Variants in NCKAP5 observed in about 807,000 individuals in gnomAD.
NCKAP5 encodes the protein nck-associated protein 5.
NCKAP5 carries 92 observed loss-of-function variants against 167.0 expected under a neutral mutation model. The observed-to-expected ratio is 0.55, with a 90% CI of 0.47 to 0.66. The LOEUF (loss-of-function observed/expected upper bound fraction) is 0.66, where lower values mean the gene tolerates loss of function less well. NCKAP5 is among the 30% of genes least tolerant of loss of function. NCKAP5 has a pLI of 0.00. For synonymous variants in NCKAP5, 891 were observed against 877.4 expected (o/e 1.02, Z -0.27); for missense variants, 2,378 against 2,315.0 (o/e 1.03, Z -0.56).
rs1684454192 is a variant in NCKAP5 at position 133,352,729 on chromosome 2, CAG to C, written c.70-49621_70-49620del. Among the ~76,000 whole-genome samples, 9 of 152,316 alleles carry C rather than the reference CAG, an allele frequency of 5.9e-5. No homozygotes were observed. The South Asian group carries it at 1.9e-3, about 32-fold the overall frequency. On this transcript the variant is annotated intron_variant, in intron 3 of 19. Transcript: ENST00000409261. Reference sequence around the variant, plus strand: ...GCTCTGCCCAGGTGGGCCTGCCAGACAGAGATTTATGTGGACTGCCAAAACTC... The same window carrying C: ...GCTCTGCCCAGGTGGGCCTGCCAGACAGATTTATGTGGACTGCCAAAACTC...
the NCKAP5 span, among the ~76,000 whole-genome samples, chr2:133,577,827 C>T: frequency 3.0e-3 from 459 of 152,290 alleles, 5 homozygotes; most frequent in African/African-American, 0.01. Context: ...TGCTCCCTGT[C>T]CTCTTAACCA....
chr2:132,836,700 C>A lies in NCKAP5; in HGVS notation c.807+23792G>T, dbSNP rs368159787. On this transcript the variant is annotated intron_variant, in intron 11 of 19. Coordinates refer to ENST00000409261, the MANE Select transcript of NCKAP5 (RefSeq NM_207363.3). ...TCTTTTATTCTTCACTCCCCTACTACTCTTCCCCCCAAGTCCCCAAAGTCC... is the reference window on the plus strand; with the variant it reads ...TCTTTTATTCTTCACTCCCCTACTAATCTTCCCCCCAAGTCCCCAAAGTCC... Among the ~76,000 whole-genome samples the A allele has an allele frequency of 2.8e-4, 42 of 152,248 alleles. No individual in the cohort carries two copies. The East Asian group carries it at 8.1e-3, about 29-fold the overall frequency.
At chr2:132,988,071 T>C (rs1266337748) in intron 7 of NCKAP5, among the ~76,000 whole-genome samples, 1 of 152,236 alleles carries the variant, frequency 6.6e-6, no homozygotes, top group Non-Finnish European at 1.5e-5. Flanking sequence ...ATACCTCATG[T>C]AGTCCAGGCC....
At chr2:133,035,331 C>T (rs2079008294) in intron 6 of NCKAP5, among the ~76,000 whole-genome samples, 1 of 152,002 alleles carries the variant, frequency 6.6e-6, no homozygotes, top group African/African-American at 2.4e-5. Context: ...GCAGGCCCCA[C>T]TTTCAGCAAT....
At chr2:133,207,492 C>T (rs1379259356) in intron 5 of NCKAP5, among the ~76,000 whole-genome samples, 2 of 152,088 alleles carry the variant, frequency 1.3e-5, no homozygotes, top group African/African-American at 4.8e-5. Flanking sequence ...TACACAGCAC[C>T]AAGATCTTGG....
chr2:133,115,611 C>T (rs143970082), intron 6 of NCKAP5, among the ~76,000 whole-genome samples: 7 of 151,360 alleles, frequency 4.6e-5, no homozygotes, highest in Admixed American at 2.0e-4. Context: ...TATTCTTTTC[C>T]CATCCCATCT....
At chr2:133,002,933 G>A (rs180793435) in intron 6 of NCKAP5, among the ~76,000 whole-genome samples, 2 of 152,342 alleles carry the variant, frequency 1.3e-5, no homozygotes, top group Admixed American at 1.3e-4. Flanking sequence ...TAGATACAGT[G>A]AGAAATGCCA....
intron 4 of NCKAP5, among the ~76,000 whole-genome samples, chr2:133,221,057 T>C (rs1036238862): frequency 6.6e-6 from 1 of 152,190 alleles, no homozygotes; most frequent in Non-Finnish European, 1.5e-5. Context: ...TTAAAAGGTA[T>C]GAATCCAGCT....
chr2:133,031,879 T>A (rs2078892473), intron 6 of NCKAP5, among the ~76,000 whole-genome samples: 1 of 152,110 alleles, frequency 6.6e-6, no homozygotes, highest in African/African-American at 2.4e-5. Flanking sequence ...AGGATCCCAC[T>A]GCCTTGAAGA....
chr2:133,611,626 G>A, the NCKAP5 span, among the ~76,000 whole-genome samples: 1 of 152,110 alleles, frequency 6.6e-6, no homozygotes, highest in Non-Finnish European at 1.5e-5. Context: ...ATGACATGAT[G>A]TCTGAGATTT....
intron 4 of NCKAP5, among the ~76,000 whole-genome samples, chr2:133,246,963 T>C (rs11885330): frequency 0.082 from 12,411 of 152,230 alleles, 1,594 homozygotes; most frequent in African/African-American, 0.28. Context: ...TCCAGCATCC[T>C]TTTCAATAAC....
chr2:133,023,023 G>C (rs1410162252), intron 6 of NCKAP5, among the ~76,000 whole-genome samples: 1 of 152,200 alleles, frequency 6.6e-6, no homozygotes, highest in Non-Finnish European at 1.5e-5. Flanking sequence ...TTGGAAGCCA[G>C]TCCTTCTCCA....
At chr2:133,062,747 C>T (rs2080050128) in intron 6 of NCKAP5, among the ~76,000 whole-genome samples, 1 of 151,972 alleles carries the variant, frequency 6.6e-6, no homozygotes, top group Non-Finnish European at 1.5e-5. Context: ...TAATGTGTTA[C>T]AAAGTTAGAT....
At chr2:133,470,594 G>A (rs963543283) in intron 3 of NCKAP5, among the ~76,000 whole-genome samples, 9 of 152,242 alleles carry the variant, frequency 5.9e-5, no homozygotes, top group African/African-American at 1.4e-4. Flanking sequence ...GCAATGGCGG[G>A]TGCCCCTCCC....
At chr2:133,444,403 G>GATAGATAGAT (rs1238853091) in intron 3 of NCKAP5, among the ~76,000 whole-genome samples, 81 of 105,340 alleles carry the variant, frequency 7.7e-4, no homozygotes, top group African/African-American at 3.2e-3. Context: ...TAGATAGATA[G>GATAGATAGAT]ATAGATATAG....
chr2:133,481,678 T>C (rs1680451376), intron 3 of NCKAP5, among the ~76,000 whole-genome samples: 1 of 152,186 alleles, frequency 6.6e-6, no homozygotes, highest in South Asian at 2.1e-4. Context: ...AGTGAGAACA[T>C]GCGGTATCTG....
At chr2:133,547,220 G>A (rs901624901) in intron 2 of NCKAP5, among the ~76,000 whole-genome samples, 2 of 152,292 alleles carry the variant, frequency 1.3e-5, no homozygotes, top group East Asian at 1.9e-4. Flanking sequence ...CTGGCTCGGA[G>A]GGTCCTACGC....
intron 3 of NCKAP5, among the ~76,000 whole-genome samples, chr2:133,304,704 T>C (rs1214099819): frequency 6.6e-6 from 1 of 152,240 alleles, no homozygotes; most frequent in Non-Finnish European, 1.5e-5. Context: ...TCATTTTTTC[T>C]TCACTTAACA....
intron 3 of NCKAP5, among the ~76,000 whole-genome samples, chr2:133,377,081 T>G (rs1006907420): frequency 1.2e-4 from 18 of 152,188 alleles, no homozygotes; most frequent in Non-Finnish European, 7.4e-5. Context: ...AGAAAATTCT[T>G]ACAGATGAGT....
Sources: gnomAD v4.1 joint callset for allele counts (sites outside exome capture counted in the v4.1 genomes callset) on GRCh38, gnomAD v4.1.1 for gene constraint, MANE v1.5 for transcripts, NCBI Gene and HGNC (gene_info 2026-07-23, HGNC 2026-07-21) for gene names.